ESR2: variants seen among roughly 807,000 people sequenced by gnomAD.
ESR2 encodes estrogen receptor beta.
A neutral mutation model predicts 49.6 loss-of-function variants in ESR2; 36 were observed. The ratio of observed to expected loss-of-function variants is 0.73; its 90% confidence interval spans 0.56 to 0.96. ESR2 has a LOEUF of 0.96. ESR2 is among the 40% of genes least tolerant of loss of function. The pLI, the probability that ESR2 is intolerant of heterozygous loss-of-function variation, is 0.00. For missense variants in ESR2, 714 were observed against 693.0 expected, an observed-to-expected ratio of 1.03 and a Z score of -0.34; for synonymous variants, 320 against 266.1, an observed-to-expected ratio of 1.20 and a Z score of -1.97.
At chr14:64,306,078 G>C (rs533763525) in intron 1 of ESR2, among the ~76,000 whole-genome samples, 1 of 151,978 alleles carries the variant, frequency 6.6e-6, no homozygotes, top group Non-Finnish European at 1.5e-5. Flanking sequence ...GCATGGTGGC[G>C]CATGCCTGTA....
intron 7 of ESR2, among the ~76,000 whole-genome samples, chr14:64,246,829 T>A (rs2075871174): frequency 6.9e-6 from 1 of 144,946 alleles, no homozygotes; most frequent in Non-Finnish European, 1.5e-5. Context: ...AGCTGGGCCC[T>A]CATGTTATTC....
Position 64,234,809 on chromosome 14 carries a change from G to A in ESR2, c.1406+161C>T, listed in dbSNP as rs1040802049. 14 of 1,410,096 alleles carry A rather than the reference G, an allele frequency of 9.9e-6. No homozygotes were observed. In the Admixed American group the frequency reaches 3.1e-4, roughly 31 times the overall value. 87.3% of individuals were successfully genotyped at this position (1,410,096 alleles called of 1,614,324 possible). On this transcript the variant is annotated intron_variant, in intron 8 of 8. Transcript: ENST00000341099. ...GACATTCCTTCCATGCCCACTCTGT[G>A]CCCATCTTTGCTTACAGGTGTGTGA...
At chr14:64,285,452 C>T (rs963158219) in intron 1 of ESR2, among the ~76,000 whole-genome samples, 13 of 152,080 alleles carry the variant, frequency 8.5e-5, no homozygotes, top group Middle Eastern at 6.8e-3. Flanking sequence ...ACTTTTTTTG[C>T]TCATAGCACC....
intron 6 of ESR2, among the ~76,000 whole-genome samples, chr14:64,253,592 G>GTA (rs1391157832): frequency 2.8e-5 from 4 of 140,584 alleles, no homozygotes; most frequent in African/African-American, 8.7e-5. Flanking sequence ...GTGTGTGTGT[G>GTA]TGTGTGTGTG....
chr14:64,285,541 T>C (rs942981535), intron 1 of ESR2, among the ~76,000 whole-genome samples: 1 of 151,934 alleles, frequency 6.6e-6, no homozygotes, highest in Admixed American at 6.6e-5. Context: ...TAGAGGTGCA[T>C]AGGAGAGTAA....
In ESR2 at chr14:64,229,032, C is replaced by T. The variant is rs1234157369; in HGVS notation, c.*4105G>A. ...TTTACATGAGTACACTTCCAAGGAA[C>T]ATATTCCACGTGTTTGGGGAAAGCA... On this transcript the variant is annotated 3_prime_UTR_variant, in exon 9 of 9. Coordinates refer to ENST00000341099, the MANE Select transcript of ESR2 (RefSeq NM_001437.3). Among the ~76,000 whole-genome samples, 2 of 152,150 alleles carry T rather than the reference C, an allele frequency of 1.3e-5. No homozygotes were observed. The highest frequency in any genetic ancestry group is 4.8e-5 in the African/African-American group (2 of 41,428).
At chr14:64,291,905 T>C (rs2076876655) in intron 1 of ESR2, among the ~76,000 whole-genome samples, 1 of 152,166 alleles carries the variant, frequency 6.6e-6, no homozygotes, top group African/African-American at 2.4e-5. Flanking sequence ...AGTTTTTTTT[T>C]TAATAAAGAA....
rs2076709460 is a variant in ESR2 at position 64,282,916 on chromosome 14, G to A, written c.70C>T (p.Pro24Ser). 3 of 1,613,900 alleles carry A rather than the reference G, an allele frequency of 1.9e-6. No individual in the cohort carries two copies. The highest frequency in any genetic ancestry group is 4.5e-5 in the East Asian group (2 of 44,888). Residue 24 changes from proline to serine, a missense_variant, in exon 2 of 9, where the codon CCC becomes TCC. By Grantham distance (74) the Pro-to-Ser change is moderately conservative (BLOSUM62 -1). Transcript: ENST00000341099. The stretch of plus-strand genomic sequence containing the variant: ...ATGTATATGGAGCCGTGCTCCAGGG[G>A]TAAGATGGATTGACTGCAGTTGTAG... ...SSYNCSQSIL[P>S]LEHGSIYIPS...
At chr14:64,242,311 G>C (rs2075744424) in intron 7 of ESR2, among the ~76,000 whole-genome samples, 1 of 151,736 alleles carries the variant, frequency 6.6e-6, no homozygotes, top group African/African-American at 2.4e-5. Context: ...TCAGGAGGTT[G>C]AGACAGAATT....
At chr14:64,289,870 C>A (rs2076843529) in intron 1 of ESR2, among the ~76,000 whole-genome samples, 1 of 152,168 alleles carries the variant, frequency 6.6e-6, no homozygotes, top group Non-Finnish European at 1.5e-5. Flanking sequence ...GAGGATAAGT[C>A]CTCATCCCTA....
At chr14:64,235,656 T>C (rs1472045978) in intron 7 of ESR2, among the ~76,000 whole-genome samples, 1 of 152,224 alleles carries the variant, frequency 6.6e-6, no homozygotes, top group Non-Finnish European at 1.5e-5. Context: ...CTACCACCTC[T>C]GCATCTCGCT....
downstream of ESR2, chr14:64,227,549 G>C: frequency 6.2e-7 from 1 of 1,614,184 alleles, no homozygotes; most frequent in Non-Finnish European, 8.5e-7. Flanking sequence ...CTCCATCGTT[G>C]CTTCAGGCAA....
At position 64,268,928 on chromosome 14, in the gene ESR2, G is replaced by C; in HGVS notation, c.536-17C>G. 1 of 1,372,154 alleles carries C rather than the reference G, an allele frequency of 7.3e-7. No homozygotes were observed. Among genetic ancestry groups the C allele is most frequent in the South Asian group, 1.2e-5 (1 of 83,918 alleles). 85.0% of individuals were successfully genotyped at this position (1,372,154 alleles called of 1,614,324 possible). ...CATTATGTCCTATAGCAGAGTGGGA[G>C]GGAAAAAAAGATTATTGCTATGATC... On this transcript the variant is annotated splice_polypyrimidine_tract_variant and intron_variant, in intron 3 of 8. Coordinates refer to ENST00000341099, the MANE Select transcript of ESR2 (RefSeq NM_001437.3).
intron 1 of ESR2, among the ~76,000 whole-genome samples, chr14:64,304,687 A>G (rs12589834): frequency 0.21 from 32,136 of 152,052 alleles, 4,322 homozygotes; most frequent in Middle Eastern, 0.38. Context: ...TGGGCAACAT[A>G]GTGAGACCAT....
At chr14:64,324,047 G>T (rs1222057800) in intron 1 of ESR2, among the ~76,000 whole-genome samples, 1 of 152,186 alleles carries the variant, frequency 6.6e-6, no homozygotes, top group Non-Finnish European at 1.5e-5. Context: ...ATAAATGAAT[G>T]AATAAGCAAA....
In ESR2 at chr14:64,305,261, A is replaced by T. The variant is rs1334128301; in HGVS notation, c.-90-22186T>A. The stretch of plus-strand genomic sequence containing the variant: ...AGCCGAGATCGTGCCACTGCACTCC[A>T]GCCTGGGCGACAGAGCGAGACTCCG... On this transcript the variant is annotated intron_variant, in intron 1 of 8. Coordinates refer to the ESR2 transcript ENST00000358599. Among the ~76,000 whole-genome samples the T allele has an allele frequency of 2.7e-5, 4 of 146,958 alleles. No individual in the cohort carries two copies. The Admixed American group carries it at 2.8e-4, about 10-fold the overall frequency.
At chr14:64,335,509 A>G (rs544456119) in intron 1 of ESR2, among the ~76,000 whole-genome samples, 2 of 152,336 alleles carry the variant, frequency 1.3e-5, no homozygotes, top group Non-Finnish European at 2.9e-5. Context: ...AATGACTGAC[A>G]GAAGAAAGCT....
At chr14:64,301,029 G>T (rs906389159) in intron 1 of ESR2, among the ~76,000 whole-genome samples, 13 of 152,156 alleles carry the variant, frequency 8.5e-5, no homozygotes, top group African/African-American at 2.4e-4. Flanking sequence ...ATCCAATGAG[G>T]TGGGTACTCC....
At chr14:64,279,140 T>C (rs941751817) in intron 3 of ESR2, among the ~76,000 whole-genome samples, 1 of 152,250 alleles carries the variant, frequency 6.6e-6, no homozygotes, top group Non-Finnish European at 1.5e-5. Flanking sequence ...GAACTGCCTG[T>C]GACTTGGAAG....
Sources: allele counts gnomAD v4.1 joint callset (sites outside exome capture counted in the v4.1 genomes callset), GRCh38; gene constraint gnomAD v4.1.1; transcripts MANE v1.5; gene names NCBI Gene and HGNC (gene_info 2026-07-23, HGNC 2026-07-21).